Variants in BRD3 observed in about 807,000 individuals in gnomAD.
BRD3 encodes the protein bromodomain-containing protein 3.
Under a neutral mutation model 66.8 loss-of-function variants are expected in BRD3, and 17 were observed. That is an observed-to-expected ratio of 0.25 (90% CI 0.17 to 0.38). The LOEUF (loss-of-function observed/expected upper bound fraction) is 0.38. BRD3 is among the 10% of genes least tolerant of loss of function. The pLI is 1.00. For synonymous variants in BRD3, 421 were observed against 393.2 expected, an observed-to-expected ratio of 1.07 and a Z score of -0.84; for missense variants, 713 against 956.1, an observed-to-expected ratio of 0.75 and a Z score of 3.35.
At position 134,032,469 on chromosome 9, in the gene BRD3, A is replaced by AAAAAAACC. The variant is rs895126519; in HGVS notation, c.*1113_*1120dup. ...AAAAAAAAAAAAAAAAACCACAAAG[A>AAAAAAACC]AAAAAACCAAAAAACCCAACAAACC... On this transcript the variant is annotated 3_prime_UTR_variant, in exon 12 of 12. Coordinates refer to ENST00000303407, the MANE Select transcript of BRD3 (RefSeq NM_007371.4). 2 of 225,936 alleles carry AAAAAAACC rather than the reference A, an allele frequency of 8.9e-6. No individual in the cohort carries two copies. Among genetic ancestry groups the AAAAAAACC allele is most frequent in the Non-Finnish European group, 1.8e-5 (2 of 114,068 alleles). The allele number at this position is 225,936 out of a possible 1,614,324, so 14.0% of individuals were successfully genotyped here.
At chr9:134,043,590 C>A (rs945729582) in intron 7 of BRD3, among the ~76,000 whole-genome samples, 4 of 152,224 alleles carry the variant, frequency 2.6e-5, no homozygotes, top group Non-Finnish European at 5.9e-5. Flanking sequence ...TCCAGGCCCC[C>A]GCTCGGCCGA....
At position 134,045,328 on chromosome 9, in the gene BRD3, C is replaced by G; in HGVS notation, c.1180G>C (p.Asp394His). The G allele has an allele frequency of 1.2e-6, 2 of 1,613,576 alleles. No homozygotes were observed. The highest frequency in any genetic ancestry group is 1.7e-6 in the Non-Finnish European group (2 of 1,180,010). Residue 394 changes from aspartate to histidine, a missense_variant, in exon 7 of 12, where the codon GAC becomes CAC. Asp to His is a moderately conservative substitution (Grantham distance 81). This residue lies in a region of BRD3 where 418 missense variants were observed against 609.3 expected (regional missense o/e 0.69). Coordinates refer to ENST00000303407, the MANE Select transcript of BRD3 (RefSeq NM_007371.4). The surrounding 1 kb of genome is among the most constrained non-coding windows in gnomAD (Gnocchi z 4.8). The stretch of plus-strand genomic sequence containing the variant: ...CGGGCCATGGCCACAACCTCGTGGT[C>G]TGGGGGATTGTATTTGTAGCAATTC... ...FSNCYKYNPP[D>H]HEVVAMARKL...
intron 6 of BRD3, among the ~76,000 whole-genome samples, chr9:134,046,457 G>T (rs565032228): frequency 6.6e-6 from 1 of 152,294 alleles, no homozygotes; most frequent in East Asian, 1.9e-4. Context: ...AGATGGAGGG[G>T]CCGGGTCCTA....
At chr9:134,065,411 G>A (rs527426777) in intron 1 of BRD3, among the ~76,000 whole-genome samples, 1 of 149,854 alleles carries the variant, frequency 6.7e-6, no homozygotes, top group East Asian at 2.0e-4. Context: ...GCAACAATGC[G>A]AGACTCCATC....
intron 1 of BRD3, among the ~76,000 whole-genome samples, chr9:134,065,010 G>A (rs1033259808): frequency 1.1e-4 from 16 of 152,214 alleles, no homozygotes; most frequent in Non-Finnish European, 1.9e-4. Flanking sequence ...GAGCCACAGG[G>A]GTCGGGAAGG....
At chr9:134,054,408 T>C (rs1345441579) in intron 1 of BRD3, 1 of 152,166 alleles carries the variant, frequency 6.6e-6, no homozygotes, top group South Asian at 2.1e-4. Flanking sequence ...AGAACGCCCA[T>C]AGGAACGCTG....
At chr9:134,066,277 A>C (rs1830650610) in intron 1 of BRD3, among the ~76,000 whole-genome samples, 3 of 152,168 alleles carry the variant, frequency 2.0e-5, no homozygotes, top group African/African-American at 7.2e-5. Flanking sequence ...GTCCTGTTAC[A>C]GCGTGTGCCT....
rs1246024559 is a variant in BRD3 at position 134,033,782 on chromosome 9, C to T, written c.2066-77G>A. On this transcript the variant is annotated intron_variant, in intron 11 of 11. Coordinates refer to ENST00000303407, the MANE Select transcript of BRD3 (RefSeq NM_007371.4). This position sits in a 1 kb window ranked among gnomAD's most constrained non-coding sequence, Gnocchi z 5.1. ...CTTGGCGGCATGTCGTCCATGCCAG[C>T]GTGACACCATCACACTGGGTGCCAC... 2.1e-5 allele frequency: 14 copies of T among 659,996 alleles called. No individual in the cohort carries two copies. The highest frequency in any genetic ancestry group is 3.2e-5 in the South Asian group (2 of 62,002). 40.9% of individuals were successfully genotyped at this position (659,996 alleles called of 1,614,324 possible).
chr9:134,066,469 T>C (rs1001767028), intron 1 of BRD3, among the ~76,000 whole-genome samples: 1 of 152,054 alleles, frequency 6.6e-6, no homozygotes, highest in African/African-American at 2.4e-5. Flanking sequence ...TTAGACCCCG[T>C]TGGAAGCCAG....
intron 9 of BRD3, among the ~76,000 whole-genome samples, chr9:134,036,891 G>T (rs1182601205): frequency 6.6e-6 from 1 of 151,628 alleles, no homozygotes; most frequent in Non-Finnish European, 1.5e-5. Context: ...GGCACCTGTA[G>T]TCCCAGCTAT....
rs141557823 is a variant in BRD3, at chr9:134,041,824, G to A, written c.1343C>T (p.Ser448Leu). Residue 448 changes from serine to leucine, a missense_variant, in exon 8 of 12, where the codon TCG becomes TTG. This residue lies in a region of BRD3 where 418 missense variants were observed against 609.3 expected (regional missense o/e 0.69). Coordinates refer to ENST00000303407, the MANE Select transcript of BRD3 (RefSeq NM_007371.4). Reference protein sequence around the residue: ...ESSRSSEESSSDSGSSDSEEE... With the variant: ...ESSRSSEESSLDSGSSDSEEE... ...CTCCGAGTCCGAGCTGCCTGAGTCCGAAGAGCTCTCCTCACTGCTACGGCT... is the reference window on the plus strand; with the variant it reads ...CTCCGAGTCCGAGCTGCCTGAGTCCAAAGAGCTCTCCTCACTGCTACGGCT... The A allele has an allele frequency of 3.1e-6, 5 of 1,612,996 alleles. No homozygotes were observed. Among genetic ancestry groups the A allele is most frequent in the East Asian group, 2.2e-5 (1 of 44,860 alleles).
intron 11 of BRD3, 140 bp downstream of exon 11, chr9:134,034,560 AG>A: frequency 8.4e-7 from 1 of 1,197,544 alleles, no homozygotes; most frequent in Non-Finnish European, 1.1e-6. Flanking sequence ...AGGTTTCAGG[AG>A]CTCAAGAGCT....
In BRD3 at chr9:134,031,941, G is replaced by A. The variant is rs1456497869; in HGVS notation, c.*1649C>T. On this transcript the variant is annotated 3_prime_UTR_variant, in exon 12 of 12. Coordinates refer to ENST00000303407, the MANE Select transcript of BRD3 (RefSeq NM_007371.4). ...ACAACGCGTGAGCAGGGAGCACCGT[G>A]CGAGTCTCCGGGAGGGAATCCTCCT... 10 of 217,358 alleles carry A rather than the reference G, an allele frequency of 4.6e-5. No homozygotes were observed. In the East Asian group the frequency reaches 6.8e-4, roughly 15 times the overall value. The allele number at this position is 217,358 out of a possible 1,614,324, so 13.5% of individuals were successfully genotyped here. A position where few individuals can be genotyped will look rare whatever the true frequency, so the allele number is the denominator to read the frequency against.
At chr9:134,061,008 A>G (rs1299669048) in intron 1 of BRD3, among the ~76,000 whole-genome samples, 1 of 152,250 alleles carries the variant, frequency 6.6e-6, no homozygotes, top group African/African-American at 2.4e-5. Flanking sequence ...AGGGCTGTGG[A>G]CAAACAGGGA....
At chr9:134,060,338 T>A (rs1346314172) in intron 1 of BRD3, among the ~76,000 whole-genome samples, 1 of 152,186 alleles carries the variant, frequency 6.6e-6, no homozygotes, top group African/African-American at 2.4e-5. Context: ...GACTCAGGCC[T>A]GTGACCCCAG....
At chr9:134,034,532 T>C in intron 11 of BRD3, 169 bp downstream of exon 11, 3 of 966,628 alleles carry the variant, frequency 3.1e-6, no homozygotes, top group Non-Finnish European at 4.5e-6. Flanking sequence ...TGACCCCCAG[T>C]GACAGACCAG....
In BRD3 at chr9:134,050,527, G is replaced by T; in HGVS notation, c.561C>A (p.Pro187=). Residue 187 remains proline (P), a synonymous_variant, in exon 5 of 12, where the codon CCC becomes CCA. Transcript: ENST00000303407. ...TGACGGGCGTCTGGGAGACGGTGGG[G>T]GGCACGCTCTGAAAGGGGGTCGCTG... is the stretch of plus-strand genomic sequence containing the variant. The part of the protein sequence containing the change: ...VSPATPFQSV[P]PTVSQTPVIA... 6.2e-7 allele frequency: 1 copy of T among 1,605,214 alleles called. No homozygotes were observed.
Position 134,036,132 on chromosome 9 carries a change from G to C in BRD3, c.1836C>G (p.Asp612Glu). Residue 612 changes from aspartate (D) to glutamate (E), a missense_variant, in exon 10 of 12, where the codon GAC (aspartate) becomes GAG (glutamate). Physicochemically the swap from Asp to Glu is conservative, Grantham distance 45. Transcript: ENST00000303407. Reference sequence around the variant, plus strand: ...GAGTCTCAAAGTCAATTTCTATCTCGTCGGGGTTGGAGTCCCTGAGCGAGG... The same window carrying C: ...GAGTCTCAAAGTCAATTTCTATCTCCTCGGGGTTGGAGTCCCTGAGCGAGG... ...REPSLRDSNPDEIEIDFETLK... is the reference protein window; with the variant it reads ...REPSLRDSNPEEIEIDFETLK... 1.2e-6 allele frequency: 2 copies of C among 1,614,166 alleles called. No individual in the cohort carries two copies. The highest frequency in any genetic ancestry group is 1.7e-6 in the Non-Finnish European group (2 of 1,180,012).
At chr9:134,039,616 G>A (rs1829996040) in intron 9 of BRD3, among the ~76,000 whole-genome samples, 1 of 152,194 alleles carries the variant, frequency 6.6e-6, no homozygotes, top group African/African-American at 2.4e-5. Flanking sequence ...CGCTCCTCAG[G>A]GTGGTGCCCA....
Sources: allele counts gnomAD v4.1 joint callset (sites outside exome capture counted in the v4.1 genomes callset), GRCh38; gene constraint gnomAD v4.1.1; regional missense constraint gnomAD v4.1.1; non-coding constraint Gnocchi (gnomAD v3.1); transcripts MANE v1.5; gene names NCBI Gene and HGNC (gene_info 2026-07-23, HGNC 2026-07-21).